Variants in MAPKAP1 observed in about 807,000 individuals in gnomAD.
The protein encoded by MAPKAP1 is MAPK associated protein 1.
Under a neutral mutation model 65.7 loss-of-function variants are expected in MAPKAP1, and 20 were observed. The observed-to-expected ratio is 0.30, with a 90% CI of 0.21 to 0.44. MAPKAP1 has a LOEUF of 0.44. MAPKAP1 is among the 20% of genes least tolerant of loss of function. The pLI is 1.00. For missense variants in MAPKAP1, 423 were observed against 648.0 expected, an observed-to-expected ratio of 0.65 and a Z score of 3.77; for synonymous variants, 222 against 244.3, an observed-to-expected ratio of 0.91 and a Z score of 0.85.
At chr9:125,532,723 A>C (rs752754052) in intron 7 of MAPKAP1, among the ~76,000 whole-genome samples, 2 of 152,218 alleles carry the variant, frequency 1.3e-5, no homozygotes, top group African/African-American at 2.4e-5. Context: ...GCTGTTCATA[A>C]TGCTGCCAGG....
rs535817572 is a variant in MAPKAP1, at chr9:125,643,467, T to G, written c.498+14184A>C. Among the ~76,000 whole-genome samples, 3 of 152,340 alleles carry G rather than the reference T, an allele frequency of 2.0e-5. No homozygotes were observed. In the East Asian group the frequency reaches 5.8e-4, roughly 29 times the overall value. On this transcript the variant is annotated intron_variant, in intron 4 of 11. Transcript: ENST00000265960. ...GCCTCAGCCTCCTAAAATGCTGGGA[T>G]GACAGGTGTGAGCCACTGCGCCTGG... is the stretch of plus-strand genomic sequence containing the variant.
intron 5 of MAPKAP1, among the ~76,000 whole-genome samples, chr9:125,577,859 C>T (rs1277799754): frequency 1.1e-4 from 16 of 150,678 alleles, no homozygotes; most frequent in Non-Finnish European, 1.9e-4. Context: ...AGCTGAGGGG[C>T]GCCTCTGCCC....
chr9:125,687,657 T>C (rs888051942), intron 1 of MAPKAP1, among the ~76,000 whole-genome samples: 1 of 150,508 alleles, frequency 6.6e-6, no homozygotes, highest in African/African-American at 2.5e-5. Flanking sequence ...TGGGGGCACA[T>C]GCCTGTAGTT....
intron 7 of MAPKAP1, among the ~76,000 whole-genome samples, chr9:125,528,587 G>A (rs1270095224): frequency 2.0e-5 from 3 of 152,214 alleles, no homozygotes; most frequent in African/African-American, 4.8e-5. Flanking sequence ...AGTGGCTCAC[G>A]CCTGTAATCC....
At chr9:125,625,593 G>A (rs1410744730) in intron 4 of MAPKAP1, among the ~76,000 whole-genome samples, 8 of 152,102 alleles carry the variant, frequency 5.3e-5, no homozygotes, top group South Asian at 2.1e-4. Context: ...TCAGGATTTC[G>A]AGACTAGCCT....
At chr9:125,466,767 G>A (rs1853696342) in intron 10 of MAPKAP1, among the ~76,000 whole-genome samples, 1 of 152,094 alleles carries the variant, frequency 6.6e-6, no homozygotes, top group South Asian at 2.1e-4. Flanking sequence ...TCCTTCCCCT[G>A]GGTCCCCCTA....
At chr9:125,469,923 G>C (rs959159178) in intron 9 of MAPKAP1, among the ~76,000 whole-genome samples, 1 of 152,226 alleles carries the variant, frequency 6.6e-6, no homozygotes, top group South Asian at 2.1e-4. Context: ...CATGGTTGTC[G>C]GGTGTGTGTG....
intron 4 of MAPKAP1, among the ~76,000 whole-genome samples, chr9:125,590,459 G>T (rs1348576362): frequency 6.6e-6 from 1 of 152,052 alleles, no homozygotes; most frequent in Non-Finnish European, 1.5e-5. Flanking sequence ...AGACCAGCCT[G>T]GCCAACATGG....
rs374194375 is a variant in MAPKAP1, at chr9:125,641,673, C to T, written c.498+15978G>A. Among the ~76,000 whole-genome samples the T allele has an allele frequency of 7.2e-5, 11 of 152,146 alleles. No individual in the cohort carries two copies. The South Asian group carries it at 1.2e-3, about 17-fold the overall frequency. ...GTAATCCCAGGACTTTGGGAGGCCA[C>T]GGCAGGAGGTTCACTTGAGGCCAGG... On this transcript the variant is annotated intron_variant, in intron 4 of 11. Coordinates refer to ENST00000265960, the MANE Select transcript of MAPKAP1 (RefSeq NM_001006617.3).
rs556487763 is a variant in MAPKAP1, at chr9:125,485,095, G to A, written c.1067-512C>T. Among the ~76,000 whole-genome samples, 3 of 152,248 alleles carry A rather than the reference G, an allele frequency of 2.0e-5. No individual in the cohort carries two copies. In the East Asian group the frequency reaches 5.8e-4, roughly 29 times the overall value. ...ATAGCAACCCTGAGCCATTGGTACT[G>A]ATATTCCCATTCACGCAGGATAGAA... On this transcript the variant is annotated intron_variant, in intron 8 of 11. Transcript: ENST00000265960.
At chr9:125,543,645 T>C (rs561250477) in intron 6 of MAPKAP1, among the ~76,000 whole-genome samples, 1 of 152,278 alleles carries the variant, frequency 6.6e-6, no homozygotes, top group South Asian at 2.1e-4. Flanking sequence ...TGAATAAATA[T>C]ACTTCAAATG....
intron 8 of MAPKAP1, among the ~76,000 whole-genome samples, chr9:125,495,855 G>C (rs137882644): frequency 6.6e-6 from 1 of 152,342 alleles, no homozygotes; most frequent in Non-Finnish European, 1.5e-5. Flanking sequence ...TAAGGGGCTA[G>C]AGGGAAAGAA....
chr9:125,453,846 G>A lies in MAPKAP1; in HGVS notation c.1346-9248C>T, dbSNP rs557903574. Among the ~76,000 whole-genome samples, 63 of 152,260 alleles carry A rather than the reference G, an allele frequency of 4.1e-4. No individual in the cohort carries two copies. In the South Asian group the frequency reaches 0.011, roughly 28 times the overall value. On this transcript the variant is annotated intron_variant, in intron 10 of 11. Transcript: ENST00000265960. The stretch of plus-strand genomic sequence containing the variant: ...ACTGATATTGGAAAAGTCTTTAAGC[G>A]ATGAGAAGCCAAGCTCAGTGATGGA...
At chr9:125,625,277 A>C (rs1201229009) in intron 4 of MAPKAP1, among the ~76,000 whole-genome samples, 1 of 149,244 alleles carries the variant, frequency 6.7e-6, no homozygotes, top group Non-Finnish European at 1.5e-5. Flanking sequence ...AAAAAAAAAA[A>C]AAACAAGGGA....
intron 1 of MAPKAP1, among the ~76,000 whole-genome samples, chr9:125,674,223 C>CA (rs965036979): frequency 4.9e-4 from 74 of 150,544 alleles, no homozygotes; most frequent in African/African-American, 1.7e-3. Context: ...GTAAAATGCT[C>CA]AAAAAAATAC....
intron 10 of MAPKAP1, among the ~76,000 whole-genome samples, chr9:125,467,451 A>T (rs1213349803): frequency 6.6e-6 from 1 of 152,224 alleles, no homozygotes; most frequent in African/African-American, 2.4e-5. Context: ...GGACCAGGCA[A>T]GAGTTTAATC....
chr9:125,669,825 CT>C lies in MAPKAP1; in HGVS notation c.341del (p.Lys114SerfsTer7). 6.5e-7 allele frequency: 1 copy of C among 1,530,722 alleles called. No individual in the cohort carries two copies. Among genetic ancestry groups the C allele is most frequent in the Non-Finnish European group, 9.0e-7 (1 of 1,115,002 alleles). 94.8% of individuals were successfully genotyped at this position (1,530,722 alleles called of 1,614,324 possible). On this transcript the variant is annotated frameshift_variant, in exon 3 of 12. Coordinates refer to ENST00000265960, the MANE Select transcript of MAPKAP1 (RefSeq NM_001006617.3). LOFTEE classifies it high-confidence loss of function. ...AAAATCATTTCCATTTACCTGATTG[CT>C]TAGAATTTCTTTCTTTCCACTGAAT... Reference protein sequence around the residue: ...KNIQWKERNSKQSAQELKSLF... With the variant: ...KNIQWKERNSXQSAQELKSLF...
intron 4 of MAPKAP1, among the ~76,000 whole-genome samples, chr9:125,611,205 T>C (rs1564581727): frequency 1.3e-5 from 2 of 152,194 alleles, no homozygotes; most frequent in Non-Finnish European, 2.9e-5. Context: ...ACTAATAAAA[T>C]TACTACACTT....
intron 8 of MAPKAP1, among the ~76,000 whole-genome samples, chr9:125,496,266 C>T (rs939664486): frequency 2.0e-5 from 3 of 152,184 alleles, no homozygotes; most frequent in African/African-American, 4.8e-5. Flanking sequence ...ATTCTAATAG[C>T]GTGCAGCAAA....
Sources: allele counts gnomAD v4.1 joint callset (sites outside exome capture counted in the v4.1 genomes callset), GRCh38; gene constraint gnomAD v4.1.1; transcripts MANE v1.5; gene names NCBI Gene and HGNC (gene_info 2026-07-23, HGNC 2026-07-21).